NLGN1: variants seen among roughly 807,000 people sequenced by gnomAD.
The protein encoded by NLGN1 is neuroligin 1.
A neutral mutation model predicts 65.5 loss-of-function variants in NLGN1; 12 were observed. The observed-to-expected ratio is 0.18, with a 90% CI of 0.12 to 0.30. The LOEUF is 0.30. Ranked by LOEUF, NLGN1 falls within the 10% of genes least tolerant of loss-of-function variation. NLGN1 has a pLI of 1.00. For synonymous variants in NLGN1, 350 were observed against 359.5 expected, an observed-to-expected ratio of 0.97 and a Z score of 0.30; for missense variants, 750 against 1,007.1, an observed-to-expected ratio of 0.74 and a Z score of 3.46.
At chr3:173,717,909 G>A (rs1212941614) in intron 3 of NLGN1, among the ~76,000 whole-genome samples, 1 of 151,934 alleles carries the variant, frequency 6.6e-6, no homozygotes, top group Non-Finnish European at 1.5e-5. Flanking sequence ...CAAGGGTAAG[G>A]GTGCTTATTA....
chr3:173,564,273 T>C (rs1305956199), intron 2 of NLGN1, among the ~76,000 whole-genome samples: 1 of 152,248 alleles, frequency 6.6e-6, no homozygotes, highest in Non-Finnish European at 1.5e-5. Context: ...ATGCTCTTTA[T>C]AGATCTGAAT....
At chr3:173,421,768 G>A (rs1715095598) in intron 1 of NLGN1, among the ~76,000 whole-genome samples, 2 of 151,944 alleles carry the variant, frequency 1.3e-5, no homozygotes, top group South Asian at 2.1e-4. Context: ...TGATCCTCCC[G>A]CCTCAGCCTC....
At chr3:173,983,079 T>G (rs1165091375) in intron 4 of NLGN1, among the ~76,000 whole-genome samples, 2 of 152,188 alleles carry the variant, frequency 1.3e-5, no homozygotes, top group Non-Finnish European at 2.9e-5. Context: ...AGTTTAAAAA[T>G]ACAAGTTTTC....
intron 5 of NLGN1, among the ~76,000 whole-genome samples, chr3:174,276,261 C>G (rs2152887896): frequency 6.6e-6 from 1 of 151,926 alleles, no homozygotes; most frequent in African/African-American, 2.4e-5. Flanking sequence ...AAGTGCCTGT[C>G]TGTCCAAGGC....
At position 173,962,538 on chromosome 3, in the gene NLGN1, A is replaced by C. The variant is rs1200771076; in HGVS notation, c.646+154706A>C. Reference sequence around the variant, plus strand: ...GCCTTTTACCAGAAAACACTTGAACATAGTTGTGAATTCTAAAACAAGTGT... The same window carrying C: ...GCCTTTTACCAGAAAACACTTGAACCTAGTTGTGAATTCTAAAACAAGTGT... On this transcript the variant is annotated intron_variant, in intron 4 of 6. Coordinates refer to ENST00000457714, the Ensembl canonical transcript of NLGN1. Among the ~76,000 whole-genome samples, 3 of 152,248 alleles carry C rather than the reference A, an allele frequency of 2.0e-5. No individual in the cohort carries two copies. The East Asian group carries it at 5.8e-4, about 29-fold the overall frequency.
Position 173,907,745 on chromosome 3 carries a change from C to T in NLGN1, c.646+99913C>T, listed in dbSNP as rs28675342. On this transcript the variant is annotated intron_variant, in intron 4 of 6. Transcript: ENST00000457714. ...GATTACAGGCATGCTTCACCACCCC[C>T]GGCTAATTTTTGTATTCTTAGTAGA... Among the ~76,000 whole-genome samples, 769 of 152,110 alleles carry T rather than the reference C, an allele frequency of 5.1e-3. 16 individuals carry two copies. Among genetic ancestry groups the T allele is most frequent in the Admixed American group, 0.041 (622 of 15,266 alleles).
At chr3:173,803,900 A>G (rs1716029572) in intron 3 of NLGN1, among the ~76,000 whole-genome samples, 2 of 152,182 alleles carry the variant, frequency 1.3e-5, no homozygotes, top group South Asian at 2.1e-4. Context: ...AAAAACTCTA[A>G]AATATGGGCA....
At chr3:173,457,397 A>G (rs1722681134) in intron 2 of NLGN1, among the ~76,000 whole-genome samples, 1 of 152,218 alleles carries the variant, frequency 6.6e-6, no homozygotes, top group East Asian at 1.9e-4. Flanking sequence ...TAGGTTCACA[A>G]AGCATAAAGA....
chr3:173,500,480 C>G (rs1048847853), intron 2 of NLGN1, among the ~76,000 whole-genome samples: 2 of 152,022 alleles, frequency 1.3e-5, no homozygotes, highest in Non-Finnish European at 2.9e-5. Flanking sequence ...ATTTTTGCAT[C>G]TATGTTCATC....
intron 4 of NLGN1, among the ~76,000 whole-genome samples, chr3:173,973,078 T>C (rs560830022): frequency 6.6e-6 from 1 of 152,242 alleles, no homozygotes; most frequent in East Asian, 1.9e-4. Context: ...TCTTCATCTG[T>C]AAAATGAGGA....
intron 4 of NLGN1, among the ~76,000 whole-genome samples, chr3:174,181,229 C>G (rs966941865): frequency 4.6e-5 from 7 of 152,164 alleles, no homozygotes; most frequent in Non-Finnish European, 8.8e-5. Context: ...TGTCCACACT[C>G]TCAGGCCTTC....
chr3:173,657,299 T>C (rs1760200222), intron 3 of NLGN1, among the ~76,000 whole-genome samples: 2 of 152,034 alleles, frequency 1.3e-5, no homozygotes, highest in Admixed American at 6.6e-5. Context: ...CTCCATGTGC[T>C]GCCAATTCCT....
intron 4 of NLGN1, among the ~76,000 whole-genome samples, chr3:174,191,749 A>G (rs1732430875): frequency 6.6e-6 from 1 of 152,170 alleles, no homozygotes; most frequent in African/African-American, 2.4e-5. Flanking sequence ...CCCAGGCTTC[A>G]GGGCTTAAAC....
intron 3 of NLGN1, among the ~76,000 whole-genome samples, chr3:173,729,649 A>G (rs1276956108): frequency 6.6e-6 from 1 of 152,082 alleles, no homozygotes; most frequent in Non-Finnish European, 1.5e-5. Context: ...TGCTTGTAAA[A>G]GAATAACATT....
At chr3:173,548,959 T>G (rs944400127) in intron 2 of NLGN1, among the ~76,000 whole-genome samples, 2 of 152,036 alleles carry the variant, frequency 1.3e-5, no homozygotes, top group African/African-American at 4.8e-5. Context: ...CTTAATGGCT[T>G]ACGTACTGCA....
chr3:174,273,605 T>G (rs1749912630), intron 4 of NLGN1, among the ~76,000 whole-genome samples: 1 of 151,724 alleles, frequency 6.6e-6, no homozygotes, highest in Admixed American at 6.6e-5. Flanking sequence ...AAAATTTCCT[T>G]AAATTATTAT....
intron 4 of NLGN1, among the ~76,000 whole-genome samples, chr3:173,977,852 A>G (rs1717856446): frequency 1.3e-5 from 2 of 152,106 alleles, no homozygotes; most frequent in Admixed American, 6.6e-5. Flanking sequence ...CTAGATGATA[A>G]TTGAATCTGT....
chr3:173,830,381 A>G (rs1722293451), intron 4 of NLGN1, among the ~76,000 whole-genome samples: 1 of 152,206 alleles, frequency 6.6e-6, no homozygotes. Context: ...ACAATAGGTT[A>G]GTGGCTTGAT....
intron 4 of NLGN1, among the ~76,000 whole-genome samples, chr3:173,953,035 TC>T (rs1221209088): frequency 1.2e-4 from 18 of 152,198 alleles, no homozygotes; most frequent in Non-Finnish European, 2.2e-4. Context: ...CACCTTGGCC[TC>T]CCAAAGTGCT....
Sources: gnomAD v4.1 joint callset for allele counts (sites outside exome capture counted in the v4.1 genomes callset) on GRCh38, gnomAD v4.1.1 for gene constraint, MANE v1.5 for transcripts, NCBI Gene and HGNC (gene_info 2026-07-23, HGNC 2026-07-21) for gene names.